FGB: variants seen among roughly 807,000 people sequenced by gnomAD.
FGB encodes the protein fibrinogen beta chain.
FGB carries 25 observed loss-of-function variants against 57.9 expected under a neutral mutation model. The ratio of observed to expected loss-of-function variants is 0.43; its 90% CI spans 0.31 to 0.60. The LOEUF is 0.60. Among genes scored for constraint, FGB ranks in the 20% least tolerant of loss-of-function variants. The pLI is 0.08. For missense variants in FGB, 536 were observed against 598.4 expected, an observed-to-expected ratio of 0.90 and a Z score of 1.09; for synonymous variants, 203 against 199.2, an observed-to-expected ratio of 1.02 and a Z score of -0.16.
intron 4 of FGB, among the ~76,000 whole-genome samples, chr4:154,568,169 C>G (rs1303399211): frequency 6.6e-6 from 1 of 152,118 alleles, no homozygotes; most frequent in Admixed American, 6.6e-5. Flanking sequence ...TGGAGAAGAG[C>G]TTTGTTCATC....
At position 154,572,289 on chromosome 4, in the gene FGB, T is replaced by C. The variant is rs1026178982; in HGVS notation, c.*1639T>C. Among the ~76,000 whole-genome samples, 2 of 152,164 alleles carry C rather than the reference T, an allele frequency of 1.3e-5. No individual in the cohort carries two copies. Among genetic ancestry groups the C allele is most frequent in the Non-Finnish European group, 2.9e-5 (2 of 68,032 alleles). ...TTTAAAAAATCCTGCACATGTGTCA[T>C]GCTGGAGCCCTATTGATTCCAACAG... On this transcript the variant is annotated 3_prime_UTR_variant, in exon 8 of 8. Transcript: ENST00000302068.
chr4:154,566,968 A>G (rs1228713295), intron 3 of FGB, among the ~76,000 whole-genome samples: 1 of 152,208 alleles, frequency 6.6e-6, no homozygotes, highest in Non-Finnish European at 1.5e-5. Context: ...AAAAACCCCT[A>G]GCATTTATAG....
Position 154,567,666 on chromosome 4 carries a change from T to C in FGB, c.564T>C (p.Asn188=), listed in dbSNP as rs759250713. The C allele has an allele frequency of 1.6e-5, 26 of 1,613,378 alleles. No homozygotes were observed. The highest frequency in any genetic ancestry group is 3.3e-4 in the Middle Eastern group (2 of 6,082). The change falls in exon 4 of 8, where the codon AAT becomes AAC. Residue 188 remains asparagine (N), a synonymous_variant. Coordinates refer to ENST00000302068, the MANE Select transcript of FGB (RefSeq NM_005141.5). ...KHQLYIDETV[N]SNIPTNLRVL... is the part of the protein sequence containing the mutation. ...AATTATATATAGATGAGACTGTGAA[T>C]AGCAATATCCCAACTAACCTTCGTG... is the stretch of plus-strand genomic sequence containing the variant.
At position 154,570,566 on chromosome 4, in the gene FGB, T is replaced by C. The variant is rs779851430; in HGVS notation, c.1392T>C (p.Gly464=). ...WDMAKHGTDD[G]VVWMNWKGSW... is the part of the protein sequence containing the mutation. ...TGGCAAAGCATGGCACAGATGATGG[T>C]GTAGTATGGATGAATTGGAAGGGGT... Residue 464 remains glycine (G), a synonymous_variant, in exon 8 of 8, where the codon GGT becomes GGC. Transcript: ENST00000302068. 2 of 1,614,048 alleles carry C rather than the reference T, an allele frequency of 1.2e-6. No individual in the cohort carries two copies. Among genetic ancestry groups the C allele is most frequent in the Non-Finnish European group, 1.7e-6 (2 of 1,180,014 alleles).
At position 154,571,335 on chromosome 4, in the gene FGB, T is replaced by C. The variant is rs1730417136; in HGVS notation, c.*685T>C. Among the ~76,000 whole-genome samples the C allele has an allele frequency of 6.6e-6, 1 of 152,056 alleles. No homozygotes were observed. On this transcript the variant is annotated 3_prime_UTR_variant, in exon 8 of 8. Coordinates refer to ENST00000302068, the MANE Select transcript of FGB (RefSeq NM_005141.5). ...GACCAATATGGTGAAACCCCATCTC[T>C]ACTAAAAATACAAAAATTAGCCAGG...
intron 1 of FGB, 71 bp from the exon 2 acceptor site, chr4:154,565,737 G>T (rs1730126665): frequency 2.1e-6 from 3 of 1,417,188 alleles, no homozygotes; most frequent in Non-Finnish European, 3.0e-6. Flanking sequence ...TATAAAATGA[G>T]GGTGTTGGAA....
rs777264316 is a variant in FGB at position 154,569,167 on chromosome 4, T to G, written c.833-15T>G. 4 of 1,614,072 alleles carry G rather than the reference T, an allele frequency of 2.5e-6. No homozygotes were observed. Among genetic ancestry groups the G allele is most frequent in the Non-Finnish European group, 3.4e-6 (4 of 1,179,936 alleles). On this transcript the variant is annotated splice_polypyrimidine_tract_variant and intron_variant, in intron 5 of 7. Transcript: ENST00000302068. The stretch of plus-strand genomic sequence containing the variant: ...GTTGGTTAATATATGCTCTTTTTGT[T>G]TCTGTCAACCAAAGGATGGACAGTG...
At position 154,568,409 on chromosome 4, in the gene FGB, T is replaced by C; in HGVS notation, c.747T>C (p.Gly249=). 3.1e-6 allele frequency: 5 copies of C among 1,603,230 alleles called. No individual in the cohort carries two copies. The highest frequency in any genetic ancestry group is 4.3e-6 in the Non-Finnish European group (5 of 1,170,146). Residue 249 remains glycine, a synonymous_variant, in exon 5 of 8, where the codon GGT becomes GGC. Transcript: ENST00000302068. ...KECEEIIRKG[G]ETSEMYLIQP... is the part of the protein sequence containing the mutation. ...GTGAGGAAATTATCAGGAAAGGAGG[T>C]GAAACATCTGAAATGTATCTCATTC...
chr4:154,565,754 C>G, intron 1 of FGB, 54 bp from the exon 2 acceptor site: 1 of 1,526,396 alleles, frequency 6.6e-7, no homozygotes, highest in Non-Finnish European at 9.1e-7. Flanking sequence ...GGAATAGTTA[C>G]ATTCCAAATC....
intron 1 of FGB, among the ~76,000 whole-genome samples, chr4:154,563,645 A>G (rs1730039855): frequency 6.6e-6 from 1 of 151,950 alleles, no homozygotes; most frequent in Non-Finnish European, 1.5e-5. Flanking sequence ...TAGAAAATGA[A>G]ATATTGCTTT....
At chr4:154,566,393 G>T in intron 2 of FGB, 96 bp from the exon 3 acceptor site, 2 of 1,130,174 alleles carry the variant, frequency 1.8e-6, no homozygotes, top group Non-Finnish European at 2.7e-6. Context: ...TTTTTATGTT[G>T]GCTAATCGTA....
Position 154,567,615 on chromosome 4 carries a change from G to A in FGB, c.513G>A (p.Glu171=), listed in dbSNP as rs754323874. ...QVKDNENVVN[E]YSSELEKHQL... is the part of the protein sequence containing the mutation. ...CAGATAATGAAAATGTAGTCAATGA[G>A]TACTCCTCAGAACTGGAAAAGCACC... The change falls in exon 4 of 8, where the codon GAG becomes GAA. Residue 171 remains glutamate, a synonymous_variant. Transcript: ENST00000302068. 24 of 1,604,352 alleles carry A rather than the reference G, an allele frequency of 1.5e-5. No individual in the cohort carries two copies. The highest frequency in any genetic ancestry group is 2.0e-5 in the Non-Finnish European group (23 of 1,171,298).
At position 154,566,562 on chromosome 4, in the gene FGB, T is replaced by C. The variant is rs1329462695; in HGVS notation, c.380T>C (p.Val127Ala). 3.1e-6 allele frequency: 5 copies of C among 1,614,006 alleles called. No homozygotes were observed. In the Admixed American group the frequency reaches 8.3e-5, roughly 27 times the overall value. ...LQQERPIRNS[V>A]DELNNNVEAV... ...CAGGAAAGGCCAATCAGAAATAGTG[T>C]TGATGAGTTAAATAACAATGTGGAA... Residue 127 changes from valine (V) to alanine (A), a missense_variant, in exon 3 of 8, where the codon GTT becomes GCT. Transcript: ENST00000302068.
chr4:154,569,974 T>C (rs985374894), intron 7 of FGB, among the ~76,000 whole-genome samples, 175 bp downstream of exon 7: 1 of 152,244 alleles, frequency 6.6e-6, no homozygotes, highest in African/African-American at 2.4e-5. Flanking sequence ...ATTCTTATTC[T>C]CATTTTACAG....
intron 1 of FGB, chr4:154,565,139 A>G (rs1298189625): frequency 1.1e-5 from 5 of 451,956 alleles, no homozygotes; most frequent in African/African-American, 4.1e-5. Context: ...AATCCTTACA[A>G]TAATCTTGTA....
chr4:154,568,272 A>G, intron 4 of FGB, 109 bp from the exon 5 acceptor site: 2 of 746,314 alleles, frequency 2.7e-6, no homozygotes, highest in Non-Finnish European at 4.9e-6. Flanking sequence ...AAGGTCTATA[A>G]TAACACACTC....
rs762320286 is a variant in FGB at position 154,570,614 on chromosome 4, G to A, written c.1440G>A (p.Met480Ile). The change falls in exon 8 of 8, where the codon ATG (methionine) becomes ATA (isoleucine). Residue 480 changes from methionine (M) to isoleucine (I), a missense_variant. Met to Ile is a conservative substitution (Grantham distance 10). Transcript: ENST00000302068. The stretch of plus-strand genomic sequence containing the variant: ...GGTCATGGTACTCAATGAGGAAGAT[G>A]AGTATGAAGATCAGGCCCTTCTTCC... ...WKGSWYSMRK[M>I]SMKIRPFFPQ... 6 of 1,614,058 alleles carry A rather than the reference G, an allele frequency of 3.7e-6. No homozygotes were observed. In the East Asian group the frequency reaches 8.9e-5, roughly 24 times the overall value.
chr4:154,567,923 A>G (rs1730232696), intron 4 of FGB, 103 bp downstream of exon 4: 9 of 889,088 alleles, frequency 1.0e-5, no homozygotes, highest in South Asian at 4.0e-5. Context: ...GATTTTCCCA[A>G]CAGATCATAA....
At position 154,572,439 on chromosome 4, in the gene FGB, G is replaced by A. The variant is rs941154075; in HGVS notation, c.*1789G>A. Reference sequence around the variant, plus strand: ...ACAGGACCGCTACTATTTGTAAAGAGTATGTAGTTTATATAACATTTCTAC... The same window carrying A: ...ACAGGACCGCTACTATTTGTAAAGAATATGTAGTTTATATAACATTTCTAC... On this transcript the variant is annotated 3_prime_UTR_variant, in exon 8 of 8. Coordinates refer to ENST00000302068, the MANE Select transcript of FGB (RefSeq NM_005141.5). Among the ~76,000 whole-genome samples, 1 of 152,120 alleles carries A rather than the reference G, an allele frequency of 6.6e-6. No homozygotes were observed. Among genetic ancestry groups the A allele is most frequent in the Non-Finnish European group, 1.5e-5 (1 of 68,022 alleles).
Sources: allele counts gnomAD v4.1 joint callset (sites outside exome capture counted in the v4.1 genomes callset), GRCh38; gene constraint gnomAD v4.1.1; transcripts MANE v1.5; gene names NCBI Gene and HGNC (gene_info 2026-07-23, HGNC 2026-07-21).